The following U2AF2 variants were observed in gnomAD, a reference collection of about 807,000 sequenced individuals.
U2AF2 encodes splicing factor U2AF 65 kDa subunit.
In U2AF2, 6 loss-of-function variants were observed where a neutral mutation model predicts 52.6. The ratio of observed to expected loss-of-function variants is 0.11; its 90% confidence interval spans 0.06 to 0.23. The LOEUF (loss-of-function observed/expected upper bound fraction) is 0.23. U2AF2 is among the 10% of genes least tolerant of loss of function. U2AF2 has a pLI of 1.00. For synonymous variants in U2AF2, 284 were observed against 258.2 expected (o/e 1.10, Z -0.96); for missense variants, 222 against 677.1 (o/e 0.33, Z 7.46).
chr19:55,665,353 C>T (rs1239902344), intron 7 of U2AF2, among the ~76,000 whole-genome samples: 1 of 141,626 alleles, frequency 7.1e-6, no homozygotes, highest in African/African-American at 2.7e-5. Context: ...TTGGCGCTGT[C>T]CTAAGTGCCC....
chr19:55,672,281 C>T (rs761633664), intron 11 of U2AF2, among the ~76,000 whole-genome samples: 7 of 152,108 alleles, frequency 4.6e-5, no homozygotes, highest in Admixed American at 1.3e-4. Context: ...CTTCATCTGG[C>T]TTCAAGTTAC....
chr19:55,661,266 C>G, intron 5 of U2AF2, 77 bp downstream of exon 5: 1 of 1,382,522 alleles, frequency 7.2e-7, no homozygotes, highest in Non-Finnish European at 9.5e-7. Flanking sequence ...TTCCCTTTCC[C>G]CAACCTGCAC....
At chr19:55,660,381 C>G in intron 3 of U2AF2, 135 bp from the exon 4 acceptor site, 1 of 1,073,634 alleles carries the variant, frequency 9.3e-7, no homozygotes, top group Admixed American at 2.3e-5. Flanking sequence ...TGCCCCAGAC[C>G]CTCTCCTTCC....
chr19:55,664,403 C>T (rs536237242), intron 7 of U2AF2, among the ~76,000 whole-genome samples: 2 of 152,324 alleles, frequency 1.3e-5, no homozygotes, highest in South Asian at 4.1e-4. Flanking sequence ...GAATGGTCTC[C>T]CTTTAGAAAG....
chr19:55,656,823 A>G (rs1353298460), intron 1 of U2AF2, among the ~76,000 whole-genome samples: 1 of 152,216 alleles, frequency 6.6e-6, no homozygotes. Context: ...CTGGGTGTGC[A>G]GTAAGCGATA....
chr19:55,674,316 CAGAG>C lies in U2AF2; in HGVS notation c.*249_*252del, dbSNP rs1555786632. The C allele has an allele frequency of 2.1e-6, 1 of 485,690 alleles. No individual in the cohort carries two copies. Among genetic ancestry groups the C allele is most frequent in the South Asian group, 2.3e-5 (1 of 43,730 alleles). The allele number at this position is 485,690 out of a possible 1,614,324, so 30.1% of individuals were successfully genotyped here. ...CAGACAACACGCACCCACACAGACA[CAGAG>C]GGAAGGGGTTGGGATGGGGACAGGG... On this transcript the variant is annotated 3_prime_UTR_variant, in exon 12 of 12. Transcript: ENST00000308924.
Position 55,674,086 on chromosome 19 carries a change from TG to T in U2AF2, c.*23del, listed in dbSNP as rs773337577. The T allele has an allele frequency of 3.4e-6, 2 of 581,652 alleles. No individual in the cohort carries two copies. Among genetic ancestry groups the T allele is most frequent in the Non-Finnish European group, 2.9e-6 (1 of 339,616 alleles). The allele number at this position is 581,652 out of a possible 1,614,324, so 36.0% of individuals were successfully genotyped here. ...TCTGGTAGAGGCGGCTGGGGGAGGG[TG>T]GGGGCAGGGCTGGCTGGGGGCTTCT... On this transcript the variant is annotated 3_prime_UTR_variant, in exon 12 of 12. Coordinates refer to ENST00000308924, the MANE Select transcript of U2AF2 (RefSeq NM_007279.3).
At chr19:55,657,158 C>T (rs523509) in intron 1 of U2AF2, among the ~76,000 whole-genome samples, 127,787 of 152,264 alleles carry the variant, frequency 0.84, 54,164 homozygotes, top group Admixed American at 0.91. Flanking sequence ...CCGGTTCTCC[C>T]GGGGTTTCCC....
rs1568548565 is a variant in U2AF2, at chr19:55,659,195, C to G, written c.50-15C>G. On this transcript the variant is annotated splice_polypyrimidine_tract_variant and intron_variant, in intron 1 of 11. Coordinates refer to ENST00000308924, the MANE Select transcript of U2AF2 (RefSeq NM_007279.3). The stretch of plus-strand genomic sequence containing the variant: ...ACTCCGCTTATCCCGTGCCCCTCCT[C>G]TCACCCTTGCCCAGAGCGGGACAAG... The G allele has an allele frequency of 1.3e-6, 2 of 1,543,318 alleles. No individual in the cohort carries two copies. Among genetic ancestry groups the G allele is most frequent in the Non-Finnish European group, 8.8e-7 (1 of 1,140,558 alleles).
chr19:55,657,695 A>G (rs1353495589), intron 1 of U2AF2, among the ~76,000 whole-genome samples: 4 of 152,184 alleles, frequency 2.6e-5, no homozygotes, highest in African/African-American at 9.7e-5. Flanking sequence ...TTGGCCTTCA[A>G]GGGGACAATT....
intron 1 of U2AF2, 112 bp from the exon 2 acceptor site, chr19:55,659,098 C>T (rs1334430267): frequency 2.9e-6 from 4 of 1,358,588 alleles, no homozygotes; most frequent in East Asian, 2.9e-5. Context: ...GAATCCCTTC[C>T]CTTTGGGGGT....
chr19:55,655,303 A>G, intron 1 of U2AF2, 150 bp downstream of exon 1: 1 of 878,880 alleles, frequency 1.1e-6, no homozygotes, highest in Non-Finnish European at 1.7e-6. Context: ...CGTTCACGTG[A>G]CGTCCCCAGC....
intron 1 of U2AF2, among the ~76,000 whole-genome samples, chr19:55,657,710 T>C (rs1169300897): frequency 6.6e-6 from 1 of 152,214 alleles, no homozygotes; most frequent in Non-Finnish European, 1.5e-5. Context: ...ACAATTATAT[T>C]GTCATTAATG....
chr19:55,660,157 C>G lies in U2AF2; in HGVS notation c.186-20C>G, dbSNP rs368707111. The G allele has an allele frequency of 5.6e-6, 9 of 1,594,146 alleles. No individual in the cohort carries two copies. Among genetic ancestry groups the G allele is most frequent in the African/African-American group, 5.4e-5 (4 of 74,112 alleles). On this transcript the variant is annotated intron_variant, in intron 2 of 11. Coordinates refer to ENST00000308924, the MANE Select transcript of U2AF2 (RefSeq NM_007279.3). ...GGTCCCCAGTCACCCCTCCCCATAC[C>G]TTTCCCTCCCACCCCCCAGCAAACC...
Position 55,665,672 on chromosome 19 carries a change from G to A in U2AF2, c.742+1928G>A, listed in dbSNP as rs186920739. Reference sequence around the variant, plus strand: ...GTTTTTTTGTTGTGTTTTTTGAGACGGAGTCTTGCTGTGTTGCCCAGGCTG... The same window carrying A: ...GTTTTTTTGTTGTGTTTTTTGAGACAGAGTCTTGCTGTGTTGCCCAGGCTG... On this transcript the variant is annotated intron_variant, in intron 7 of 11. Transcript: ENST00000308924. Among the ~76,000 whole-genome samples the A allele has an allele frequency of 2.1e-3, 326 of 152,216 alleles. 4 individuals are homozygous for A. Among genetic ancestry groups the A allele is most frequent in the Non-Finnish European group, 1.8e-3 (121 of 68,008 alleles).
Position 55,660,931 on chromosome 19 carries a change from G to A in U2AF2, c.335-107G>A, listed in dbSNP as rs888713113. On this transcript the variant is annotated intron_variant, in intron 4 of 11. Coordinates refer to ENST00000308924, the MANE Select transcript of U2AF2 (RefSeq NM_007279.3). ...GTTCTGGAAGGTGCTAAGACCGAGA[G>A]CCTGTAGGAGCTTTCTGCTGAGGAG... 93 of 1,478,270 alleles carry A rather than the reference G, an allele frequency of 6.3e-5. 2 individuals are homozygous for A. In the South Asian group the frequency reaches 1.3e-3, roughly 21 times the overall value. 91.6% of individuals were successfully genotyped at this position (1,478,270 alleles called of 1,614,324 possible).
intron 7 of U2AF2, among the ~76,000 whole-genome samples, chr19:55,666,636 G>T (rs908543695): frequency 3.3e-5 from 5 of 152,250 alleles, no homozygotes; most frequent in Non-Finnish European, 5.9e-5. Flanking sequence ...CACACGATGG[G>T]CACCAGGGTT....
At chr19:55,666,172 C>T (rs1600079579) in intron 7 of U2AF2, among the ~76,000 whole-genome samples, 1 of 152,330 alleles carries the variant, frequency 6.6e-6, no homozygotes, top group South Asian at 2.1e-4. Context: ...TGCCGAGCTC[C>T]TCTCAGGCGC....
rs540890618 is a variant in U2AF2, at chr19:55,671,203, A to T, written c.1293+1511A>T. On this transcript the variant is annotated intron_variant, in intron 11 of 11. Transcript: ENST00000308924. ...TGGTGAAAGATGGTGATCTGATTTA[A>T]AGTAGTAGCAGGGGATGGAGAGAAG... is the stretch of plus-strand genomic sequence containing the variant. 1.1e-4 allele frequency among the ~76,000 whole-genome samples: 16 copies of T among 152,144 alleles called. No individual in the cohort carries two copies. In the East Asian group the frequency reaches 2.7e-3, roughly 26 times the overall value.
Sources: gnomAD v4.1 joint callset for allele counts (sites outside exome capture counted in the v4.1 genomes callset) on GRCh38, gnomAD v4.1.1 for gene constraint, MANE v1.5 for transcripts, NCBI Gene and HGNC (gene_info 2026-07-23, HGNC 2026-07-21) for gene names.